Variants in EPHA5 observed in about 807,000 individuals in gnomAD.
The protein encoded by EPHA5 is ephrin type-A receptor 5.
A neutral mutation model predicts 105.0 loss-of-function variants in EPHA5; 60 were observed. That is an observed-to-expected ratio of 0.57 (90% CI 0.46 to 0.71). The LOEUF is 0.71. Among genes scored for constraint, EPHA5 ranks in the 30% least tolerant of loss-of-function variants. EPHA5 has a pLI of 0.00. For synonymous variants in EPHA5, 513 were observed against 449.1 expected, an observed-to-expected ratio of 1.14 and a Z score of -1.80; for missense variants, 1,218 against 1,274.7, an observed-to-expected ratio of 0.96 and a Z score of 0.68.
intron 5 of EPHA5, among the ~76,000 whole-genome samples, chr4:65,430,732 C>A (rs1159112239): frequency 6.6e-6 from 1 of 151,966 alleles, no homozygotes; most frequent in African/African-American, 2.4e-5. Flanking sequence ...AGTATTATTC[C>A]ATAGAATAAT....
chr4:65,571,305 A>G (rs114323644), intron 3 of EPHA5, among the ~76,000 whole-genome samples: 1 of 147,594 alleles, frequency 6.8e-6, no homozygotes, highest in Non-Finnish European at 1.5e-5. Context: ...AAATAACAAT[A>G]TGGCTTGTTT....
At chr4:65,404,003 T>C (rs1722108067) in intron 8 of EPHA5, among the ~76,000 whole-genome samples, 2 of 152,106 alleles carry the variant, frequency 1.3e-5, no homozygotes. Flanking sequence ...ATATACTTGG[T>C]ACAGAGATAG....
At chr4:65,659,074 C>T (rs1026236964) in intron 1 of EPHA5, among the ~76,000 whole-genome samples, 1 of 151,708 alleles carries the variant, frequency 6.6e-6, no homozygotes, top group African/African-American at 2.4e-5. Context: ...TTCCAGGAAA[C>T]CTTTCTGTCT....
Position 65,495,413 on chromosome 4 carries a change from A to T in EPHA5, c.1041T>A (p.Ser347=), listed in dbSNP as rs2149225556. 2 of 1,613,568 alleles carry T rather than the reference A, an allele frequency of 1.2e-6. No individual in the cohort carries two copies. Among genetic ancestry groups the T allele is most frequent in the Non-Finnish European group, 1.7e-6 (2 of 1,179,652 alleles). The change falls in exon 4 of 17, where the codon TCT becomes TCA. Residue 347 remains serine, a synonymous_variant. Transcript: ENST00000613740. The stretch of plus-strand genomic sequence containing the variant: ...TTGTGCATGCCATTGTGGGTGGATC[A>T]GACTCTCTCCTGAAATAATCCTTTT... ...VCEKDYFRRE[S]DPPTMACTRP...
At chr4:65,372,881 A>C (rs1718625206) in intron 8 of EPHA5, among the ~76,000 whole-genome samples, 1 of 151,916 alleles carries the variant, frequency 6.6e-6, no homozygotes, top group East Asian at 1.9e-4. Flanking sequence ...CTTACTAATA[A>C]ATTCTTCAAA....
intron 7 of EPHA5, among the ~76,000 whole-genome samples, chr4:65,411,350 T>C (rs1578051744): frequency 6.6e-6 from 1 of 152,192 alleles, no homozygotes; most frequent in South Asian, 2.1e-4. Flanking sequence ...TTTTAACTTT[T>C]TGTTGACAAA....
intron 3 of EPHA5, among the ~76,000 whole-genome samples, chr4:65,578,264 C>T (rs985682558): frequency 1.3e-5 from 2 of 152,128 alleles, no homozygotes; most frequent in African/African-American, 4.8e-5. Flanking sequence ...TACATACATA[C>T]AAGACATAAC....
chr4:65,504,701 G>T (rs1560617869), intron 3 of EPHA5, among the ~76,000 whole-genome samples: 1 of 151,828 alleles, frequency 6.6e-6, no homozygotes. Context: ...CTTTTTGACT[G>T]CAGACTATCG....
intron 3 of EPHA5, among the ~76,000 whole-genome samples, chr4:65,571,218 G>A (rs1214341301): frequency 1.3e-5 from 2 of 151,830 alleles, no homozygotes; most frequent in Admixed American, 6.6e-5. Context: ...ATGTGAGTAG[G>A]GGAGACTATA....
chr4:65,496,213 T>C (rs149762318), intron 3 of EPHA5, among the ~76,000 whole-genome samples: 25 of 152,246 alleles, frequency 1.6e-4, no homozygotes, highest in African/African-American at 6.0e-4. Context: ...TAATGATTTC[T>C]TAAGTTCAAA....
Position 65,323,367 on chromosome 4 carries a change from A to G in EPHA5, c.*747T>C, listed in dbSNP as rs1198462600. The G allele has an allele frequency of 4.3e-6, 1 of 230,150 alleles. No individual in the cohort carries two copies. Among genetic ancestry groups the G allele is most frequent in the Non-Finnish European group, 8.6e-6 (1 of 116,116 alleles). The allele number at this position is 230,150 out of a possible 1,614,324, so 14.3% of individuals were successfully genotyped here. A position where few individuals can be genotyped will look rare whatever the true frequency, so the allele number is the denominator to read the frequency against. ...TTAGAAATGCAAGCAGAATGGTAAC[A>G]CACACATGTGCAAGCAAACACACAC... On this transcript the variant is annotated 3_prime_UTR_variant, in exon 17 of 17. Transcript: ENST00000613740.
At chr4:65,553,411 AC>A (rs1472142758) in intron 3 of EPHA5, among the ~76,000 whole-genome samples, 3 of 151,990 alleles carry the variant, frequency 2.0e-5, no homozygotes, top group African/African-American at 7.2e-5. Flanking sequence ...TCTCCACCTA[AC>A]ATTTTTTTTT....
chr4:65,404,382 G>A lies in EPHA5; in HGVS notation c.1785C>T (p.Leu595=), dbSNP rs1489893828. ...ACAGCTTCCTCTCTTACCTTCCACT[G>A]AGGAGGACGCCGATAACCACTGCCA... is the stretch of plus-strand genomic sequence containing the variant. ...ILLAVVIGVL[L]SGRRCGYSKA... is the part of the protein sequence containing the mutation. Residue 595 remains leucine (L), a synonymous_variant, in exon 8 of 17, where the codon CTC becomes CTT. Transcript: ENST00000613740. The A allele has an allele frequency of 6.2e-7, 1 of 1,612,870 alleles. No individual in the cohort carries two copies. Among genetic ancestry groups the A allele is most frequent in the East Asian group, 2.2e-5 (1 of 44,768 alleles).
At chr4:65,424,838 C>T (rs1002449583) in intron 5 of EPHA5, among the ~76,000 whole-genome samples, 9 of 151,970 alleles carry the variant, frequency 5.9e-5, no homozygotes, top group Non-Finnish European at 1.2e-4. Flanking sequence ...GTTGGGCTTT[C>T]TAATGTCAAT....
At chr4:65,568,063 A>C (rs558795117) in intron 3 of EPHA5, among the ~76,000 whole-genome samples, 1 of 151,714 alleles carries the variant, frequency 6.6e-6, no homozygotes, top group African/African-American at 2.4e-5. Flanking sequence ...ACCATGTTTA[A>C]CTTCATGTAA....
chr4:65,574,663 TATACAC>T, intron 3 of EPHA5, among the ~76,000 whole-genome samples: 1 of 46,076 alleles, frequency 2.2e-5, no homozygotes, highest in Non-Finnish European at 4.4e-5. Context: ...CACATATATA[TATACAC>T]ATATATATAC....
intron 5 of EPHA5, among the ~76,000 whole-genome samples, chr4:65,474,631 A>G (rs960097133): frequency 1.3e-5 from 2 of 152,194 alleles, no homozygotes; most frequent in Admixed American, 1.3e-4. Flanking sequence ...CACATCTTCA[A>G]AAAACCTCCT....
chr4:65,424,727 G>T (rs1724260051), intron 5 of EPHA5, among the ~76,000 whole-genome samples: 1 of 152,018 alleles, frequency 6.6e-6, no homozygotes, highest in Non-Finnish European at 1.5e-5. Context: ...TGCTTACACA[G>T]ATGAGATGCT....
At chr4:65,345,580 C>T (rs563225952) in intron 14 of EPHA5, among the ~76,000 whole-genome samples, 10 of 152,260 alleles carry the variant, frequency 6.6e-5, no homozygotes, top group African/African-American at 2.4e-4. Context: ...AGACAGAGAG[C>T]GAGAGGAACT....
Sources: gnomAD v4.1 joint callset for allele counts (sites outside exome capture counted in the v4.1 genomes callset) on GRCh38, gnomAD v4.1.1 for gene constraint, MANE v1.5 for transcripts, NCBI Gene and HGNC (gene_info 2026-07-23, HGNC 2026-07-21) for gene names.